LRRC7: variants seen among roughly 807,000 people sequenced by gnomAD.
LRRC7 encodes the protein leucine rich repeat containing 7.
Under a neutral mutation model 175.7 loss-of-function variants are expected in LRRC7, and 23 were observed. The observed-to-expected ratio is 0.13, with a 90% CI of 0.09 to 0.19. The LOEUF (loss-of-function observed/expected upper bound fraction) is 0.19. Ranked by LOEUF, LRRC7 falls within the 10% of genes least tolerant of loss-of-function variation. The pLI, the probability that LRRC7 is intolerant of heterozygous loss-of-function variation, is 1.00. For synonymous variants in LRRC7, 685 were observed against 680.9 expected (o/e 1.01, Z -0.09); for missense variants, 1,354 against 1,904.7 (o/e 0.71, Z 5.38).
intron 7 of LRRC7, among the ~76,000 whole-genome samples, chr1:69,844,956 G>T (rs926637836): frequency 4.6e-5 from 7 of 152,096 alleles, no homozygotes; most frequent in African/African-American, 1.2e-4. Flanking sequence ...AGAAGAATTT[G>T]CACTTCCATA....
At chr1:69,757,458 A>G (rs966195851) in intron 2 of LRRC7, among the ~76,000 whole-genome samples, 1 of 152,030 alleles carries the variant, frequency 6.6e-6, no homozygotes, top group African/African-American at 2.4e-5. Context: ...TATAGACACA[A>G]CTGAAGAATT....
chr1:69,786,134 A>C (rs1375513020), intron 3 of LRRC7, among the ~76,000 whole-genome samples: 2 of 152,052 alleles, frequency 1.3e-5, no homozygotes, highest in African/African-American at 2.4e-5. Context: ...TATGAGACAA[A>C]GGCCTAAATT....
intron 1 of LRRC7, among the ~76,000 whole-genome samples, chr1:69,666,984 A>G (rs572502521): frequency 1.3e-5 from 2 of 152,044 alleles, no homozygotes; most frequent in African/African-American, 2.4e-5. Flanking sequence ...GCTTTATCCC[A>G]TAGGTTTTGG....
At chr1:69,919,250 T>C in intron 7 of LRRC7, 4 of 436,042 alleles carry the variant, frequency 9.2e-6, no homozygotes, top group Admixed American at 3.7e-5. Context: ...AGTTCTGTGG[T>C]TGTAGTACAC....
chr1:69,923,038 C>A (rs369524995), intron 7 of LRRC7, among the ~76,000 whole-genome samples: 7 of 151,988 alleles, frequency 4.6e-5, no homozygotes, highest in Non-Finnish European at 8.8e-5. Context: ...TCATTGTTCA[C>A]TTCCCACCTA....
intron 1 of LRRC7, among the ~76,000 whole-genome samples, chr1:69,573,585 T>G (rs1297249331): frequency 6.6e-6 from 1 of 152,122 alleles, no homozygotes; most frequent in Non-Finnish European, 1.5e-5. Flanking sequence ...TCATGTCTAT[T>G]TTGAAACTAT....
chr1:69,908,933 G>A (rs965394322), intron 7 of LRRC7, among the ~76,000 whole-genome samples: 24 of 152,008 alleles, frequency 1.6e-4, no homozygotes, highest in African/African-American at 5.6e-4. Flanking sequence ...CTAAGGACTT[G>A]CTTTATGAGT....
At chr1:70,017,270 A>G (rs549337896) in intron 14 of LRRC7, among the ~76,000 whole-genome samples, 2 of 152,110 alleles carry the variant, frequency 1.3e-5, no homozygotes, top group East Asian at 3.9e-4. Flanking sequence ...GTCTCAGAAA[A>G]AAAAAAAAAA....
chr1:69,781,594 A>G (rs1673496080), intron 3 of LRRC7, among the ~76,000 whole-genome samples: 1 of 150,364 alleles, frequency 6.7e-6, no homozygotes, highest in East Asian at 2.0e-4. Flanking sequence ...AGGCAGGAGA[A>G]TCGCTTGAAC....
intron 3 of LRRC7, among the ~76,000 whole-genome samples, chr1:69,788,353 AG>A (rs992918089): frequency 6.3e-4 from 96 of 152,318 alleles, no homozygotes; most frequent in African/African-American, 2.2e-3. Flanking sequence ...AGTGAGTGTG[AG>A]GGTGTTTAGT....
chr1:69,808,318 C>T (rs1248367453), intron 4 of LRRC7, among the ~76,000 whole-genome samples: 1 of 151,812 alleles, frequency 6.6e-6, no homozygotes, highest in African/African-American at 2.4e-5. Context: ...TAGGGAGAGA[C>T]TTTAATACCC....
rs902828748 is a variant in LRRC7 at position 70,125,922 on chromosome 1, A to C, written c.*4035A>C. On this transcript the variant is annotated 3_prime_UTR_variant, in exon 27 of 27. Coordinates refer to ENST00000651989, the MANE Select transcript of LRRC7 (RefSeq NM_001370785.2). ...ATGGTTAGATGAAAGAAACCAAAAA[A>C]ACCATTTTATTTTTAATCATAAAAT... Among the ~76,000 whole-genome samples, 2 of 151,702 alleles carry C rather than the reference A, an allele frequency of 1.3e-5. No individual in the cohort carries two copies. Among genetic ancestry groups the C allele is most frequent in the African/African-American group, 4.8e-5 (2 of 41,362 alleles).
At chr1:69,631,917 CAT>C (rs1652570389) in intron 1 of LRRC7, among the ~76,000 whole-genome samples, 1 of 152,030 alleles carries the variant, frequency 6.6e-6, no homozygotes, top group Admixed American at 6.6e-5. Flanking sequence ...GTTTCCTACT[CAT>C]ATCACTCCAA....
chr1:69,798,104 T>A (rs1445054565), intron 4 of LRRC7, among the ~76,000 whole-genome samples: 1 of 152,060 alleles, frequency 6.6e-6, no homozygotes, highest in Non-Finnish European at 1.5e-5. Context: ...GTATTTTTAG[T>A]AGAGATGGGA....
At chr1:69,877,146 C>T (rs1686115016) in intron 7 of LRRC7, among the ~76,000 whole-genome samples, 2 of 152,110 alleles carry the variant, frequency 1.3e-5, no homozygotes, top group African/African-American at 2.4e-5. Context: ...AAGGGGCTCT[C>T]ATGACATGGT....
chr1:69,638,697 T>A (rs1397538069), intron 1 of LRRC7, among the ~76,000 whole-genome samples: 1 of 151,806 alleles, frequency 6.6e-6, no homozygotes, highest in African/African-American at 2.4e-5. Flanking sequence ...TGAAATTATT[T>A]TTGTTTTTTG....
chr1:70,016,401 A>T, intron 13 of LRRC7, 64 bp from the exon 14 acceptor site: 1 of 1,183,192 alleles, frequency 8.5e-7, no homozygotes, highest in Non-Finnish European at 1.2e-6. Flanking sequence ...TATTTTAAAT[A>T]ATTCTTAGAA....
intron 1 of LRRC7, among the ~76,000 whole-genome samples, chr1:69,588,315 A>G (rs1455959422): frequency 6.6e-6 from 1 of 152,204 alleles, no homozygotes; most frequent in Non-Finnish European, 1.5e-5. Flanking sequence ...CTCTTAACAT[A>G]CATTATCTAT....
Position 69,717,928 on chromosome 1 carries a change from AAAAGAAAGAAAG to A in LRRC7, c.100+39469_100+39480del, listed in dbSNP as rs201977986. ...GAGGGAGAGAAAGAGAGAAAAAAAG[AAAAGAAAGAAAG>A]AAAGAAAGAAAGAAAGAAGAAAAAG... On this transcript the variant is annotated intron_variant, in intron 2 of 26. Transcript: ENST00000651989. 3.9e-4 allele frequency among the ~76,000 whole-genome samples: 22 copies of A among 55,982 alleles called. 4 individuals carry two copies. The highest frequency in any genetic ancestry group is 3.4e-3 in the South Asian group (5 of 1,482). 36.7% of individuals were successfully genotyped at this position (55,982 alleles called of 152,430 possible).
Sources: allele counts gnomAD v4.1 joint callset (sites outside exome capture counted in the v4.1 genomes callset), GRCh38; gene constraint gnomAD v4.1.1; transcripts MANE v1.5; gene names NCBI Gene and HGNC (gene_info 2026-07-23, HGNC 2026-07-21).